EPHB2: variants seen among roughly 807,000 people sequenced by gnomAD.
EPHB2 encodes EPH receptor B2.
A neutral mutation model predicts 96.4 loss-of-function variants in EPHB2; 18 were observed. That is an observed-to-expected ratio of 0.19 (90% CI 0.13 to 0.28). The LOEUF (loss-of-function observed/expected upper bound fraction) is 0.28. Among genes scored for constraint, EPHB2 ranks in the 10% least tolerant of loss-of-function variants. The pLI, the probability that EPHB2 is intolerant of heterozygous loss-of-function variation, is 1.00. For synonymous variants in EPHB2, 506 were observed against 534.1 expected, an observed-to-expected ratio of 0.95 and a Z score of 0.72; for missense variants, 989 against 1,355.4, an observed-to-expected ratio of 0.73 and a Z score of 4.25.
chr1:22,902,736 C>T (rs913285795), intron 9 of EPHB2, among the ~76,000 whole-genome samples: 2 of 152,154 alleles, frequency 1.3e-5, no homozygotes, highest in South Asian at 2.1e-4. Flanking sequence ...CAGAGTCTTC[C>T]AGAAAGGAGT....
intron 1 of EPHB2, among the ~76,000 whole-genome samples, chr1:22,764,488 G>A (rs1249727944): frequency 6.6e-6 from 1 of 152,162 alleles, no homozygotes; most frequent in African/African-American, 2.4e-5. Context: ...GCTCATGCCT[G>A]TAATCCCAGC....
intron 1 of EPHB2, among the ~76,000 whole-genome samples, chr1:22,760,103 A>G (rs1483088228): frequency 6.6e-6 from 1 of 152,202 alleles, no homozygotes; most frequent in Non-Finnish European, 1.5e-5. Context: ...ACAGCTGAGA[A>G]AACTGAGACT....
At chr1:22,717,386 C>G (rs1178512197) in intron 1 of EPHB2, among the ~76,000 whole-genome samples, 1 of 152,184 alleles carries the variant, frequency 6.6e-6, no homozygotes, top group East Asian at 1.9e-4. Context: ...GAGGGGGACA[C>G]CTGTCTCCCC....
At chr1:22,737,853 CA>C (rs1231567067) in intron 1 of EPHB2, among the ~76,000 whole-genome samples, 2 of 152,150 alleles carry the variant, frequency 1.3e-5, no homozygotes, top group African/African-American at 4.8e-5. Flanking sequence ...GAGGCTTTTA[CA>C]ACTCAGCATG....
chr1:22,735,373 A>C (rs1643804468), intron 1 of EPHB2, among the ~76,000 whole-genome samples: 1 of 151,726 alleles, frequency 6.6e-6, no homozygotes, highest in Non-Finnish European at 1.5e-5. Flanking sequence ...CAGGAGGTCA[A>C]GGCTGTAGTG....
intron 3 of EPHB2, among the ~76,000 whole-genome samples, chr1:22,837,691 C>A (rs12731889): frequency 0.24 from 36,114 of 152,132 alleles, 5,002 homozygotes; most frequent in Middle Eastern, 0.38. Context: ...CAGTCCTTCC[C>A]ATTCAGCTTC....
At chr1:22,872,610 G>C (rs1638709509) in intron 5 of EPHB2, among the ~76,000 whole-genome samples, 1 of 152,176 alleles carries the variant, frequency 6.6e-6, no homozygotes. Flanking sequence ...AGAAAACTGA[G>C]GTCCACAGAG....
chr1:22,891,792 T>TTTG (rs371281206), intron 6 of EPHB2, among the ~76,000 whole-genome samples: 2 of 117,450 alleles, frequency 1.7e-5, no homozygotes, highest in Admixed American at 9.2e-5. Flanking sequence ...TTCTTTTTTT[T>TTTG]TTGTTGTTGT....
chr1:22,783,248 A>G (rs910804520), intron 2 of EPHB2, among the ~76,000 whole-genome samples: 1 of 152,232 alleles, frequency 6.6e-6, no homozygotes, highest in African/African-American at 2.4e-5. Context: ...CTAACCATAC[A>G]GACCATGTGC....
At chr1:22,844,860 C>T (rs1351374384) in intron 3 of EPHB2, among the ~76,000 whole-genome samples, 1 of 152,252 alleles carries the variant, frequency 6.6e-6, no homozygotes, top group Non-Finnish European at 1.5e-5. Context: ...GTCCTGCCTG[C>T]AGCTGAAGGC....
intron 1 of EPHB2, among the ~76,000 whole-genome samples, chr1:22,735,982 A>G (rs1457386141): frequency 1.3e-5 from 2 of 152,078 alleles, no homozygotes; most frequent in Admixed American, 1.3e-4. Context: ...CCTGGCTTAC[A>G]CCTACACGCT....
In EPHB2 at chr1:22,892,987, G is replaced by A. The variant is rs767048571; in HGVS notation, c.1532G>A (p.Arg511His). Residue 511 changes from arginine to histidine, a missense_variant, in exon 7 of 16, where the codon CGC becomes CAC. Coordinates refer to ENST00000374630, the MANE Select transcript of EPHB2 (RefSeq NM_017449.5). The stretch of plus-strand genomic sequence containing the variant: ...ATCTATGTCTTCCAGGTGCGGGCAC[G>A]CACCGTGGCAGGTTACGGGCGCTAC... The part of the protein sequence containing the change: ...GAIYVFQVRA[R>H]TVAGYGRYSG... 5.0e-6 allele frequency: 8 copies of A among 1,614,102 alleles called. No individual in the cohort carries two copies. The highest frequency in any genetic ancestry group is 2.2e-5 in the East Asian group (1 of 44,888).
chr1:22,856,119 A>G (rs1277284048), intron 3 of EPHB2, among the ~76,000 whole-genome samples: 2 of 152,144 alleles, frequency 1.3e-5, no homozygotes, highest in Admixed American at 1.3e-4. Flanking sequence ...AGGTGGCATC[A>G]GTTGTCTTTG....
chr1:22,897,234 A>G (rs1367299290), intron 9 of EPHB2, among the ~76,000 whole-genome samples: 2 of 152,198 alleles, frequency 1.3e-5, no homozygotes, highest in African/African-American at 2.4e-5. Flanking sequence ...TCCTCTCTCC[A>G]CTTGACCTGG....
rs536469938 is a variant in EPHB2 at position 22,914,667 on chromosome 1, G to A, written c.*1097G>A. 1 of 152,692 alleles carries A rather than the reference G, an allele frequency of 6.5e-6. No homozygotes were observed. The highest frequency in any genetic ancestry group is 6.5e-5 in the Admixed American group (1 of 15,294). 9.5% of individuals were successfully genotyped at this position (152,692 alleles called of 1,614,324 possible). On this transcript the variant is annotated 3_prime_UTR_variant, in exon 16 of 16. Coordinates refer to ENST00000374630, the MANE Select transcript of EPHB2 (RefSeq NM_017449.5). ...GACTTAGGCAATACACCAAGGGCGA[G>A]ATTTTATATGCACATTTCTGGATTT...
intron 9 of EPHB2, among the ~76,000 whole-genome samples, chr1:22,904,322 T>C (rs1027459562): frequency 1.5e-5 from 2 of 135,992 alleles, no homozygotes; most frequent in African/African-American, 5.6e-5. Context: ...TTAAAAAAAA[T>C]CCAGAGGTCT....
At chr1:22,840,709 C>T (rs1020040331) in intron 3 of EPHB2, among the ~76,000 whole-genome samples, 5 of 152,184 alleles carry the variant, frequency 3.3e-5, no homozygotes, top group African/African-American at 7.2e-5. Context: ...AATCCGCCCA[C>T]CTTTGCCTCC....
chr1:22,908,027 G>A lies in EPHB2; in HGVS notation c.2211G>A (p.Leu737=), dbSNP rs763654736. 2.0e-5 allele frequency: 32 copies of A among 1,614,122 alleles called. No individual in the cohort carries two copies. The South Asian group carries it at 2.1e-4, about 11-fold the overall frequency. Residue 737 remains leucine, a synonymous_variant, in exon 12 of 16, where the codon CTG becomes CTA. Coordinates refer to ENST00000374630, the MANE Select transcript of EPHB2 (RefSeq NM_017449.5). ...GCATCGCAGCTGGCATGAAGTACCTGGCAGACATGAACTATGTTCACCGTG... is the reference window on the plus strand; with the variant it reads ...GCATCGCAGCTGGCATGAAGTACCTAGCAGACATGAACTATGTTCACCGTG... ...LRGIAAGMKY[L]ADMNYVHRDL...
intron 1 of EPHB2, among the ~76,000 whole-genome samples, chr1:22,754,757 G>A (rs1644116689): frequency 7.7e-6 from 1 of 129,668 alleles, no homozygotes; most frequent in Middle Eastern, 3.6e-3. Flanking sequence ...GCAGGCACTG[G>A]GCATCTTTGT....
Sources: allele counts gnomAD v4.1 joint callset (sites outside exome capture counted in the v4.1 genomes callset), GRCh38; gene constraint gnomAD v4.1.1; transcripts MANE v1.5; gene names NCBI Gene and HGNC (gene_info 2026-07-23, HGNC 2026-07-21).